The following GRM1 variants were observed in gnomAD, a reference collection of about 807,000 sequenced individuals.
GRM1 encodes the protein metabotropic glutamate receptor 1.
Under a neutral mutation model 90.9 loss-of-function variants are expected in GRM1, and 33 were observed. The observed-to-expected ratio is 0.36, with a 90% CI of 0.28 to 0.49. GRM1 has a LOEUF of 0.49. Ranked by LOEUF, GRM1 falls within the 20% of genes least tolerant of loss-of-function variation. The pLI is 0.99. For synonymous variants in GRM1, 700 were observed against 613.2 expected, an observed-to-expected ratio of 1.14 and a Z score of -2.09; for missense variants, 1,190 against 1,534.3, an observed-to-expected ratio of 0.78 and a Z score of 3.75.
intron 2 of GRM1, among the ~76,000 whole-genome samples, chr6:146,252,437 A>G (rs956490890): frequency 1.3e-5 from 2 of 152,076 alleles, no homozygotes; most frequent in Admixed American, 1.3e-4. Flanking sequence ...CAGGAGTTCA[A>G]GACCAGCCTG....
intron 1 of GRM1, among the ~76,000 whole-genome samples, chr6:146,090,792 G>A (rs1776690891): frequency 6.6e-6 from 1 of 152,038 alleles, no homozygotes; most frequent in Non-Finnish European, 1.5e-5. Context: ...AGAGCTTCTA[G>A]CCTCCTTCCC....
At chr6:146,240,895 T>C (rs1452155376) in intron 2 of GRM1, among the ~76,000 whole-genome samples, 1 of 152,116 alleles carries the variant, frequency 6.6e-6, no homozygotes, top group African/African-American at 2.4e-5. Flanking sequence ...TAAATGTTCC[T>C]AGGCAATGAA....
At chr6:146,105,893 G>A (rs1407820258) in intron 1 of GRM1, among the ~76,000 whole-genome samples, 1 of 152,118 alleles carries the variant, frequency 6.6e-6, no homozygotes, top group Non-Finnish European at 1.5e-5. Context: ...AGGTCACACA[G>A]TTAGTGGAAA....
At chr6:146,369,120 A>C (rs1173727744) in intron 5 of GRM1, among the ~76,000 whole-genome samples, 1 of 151,870 alleles carries the variant, frequency 6.6e-6, no homozygotes, top group Non-Finnish European at 1.5e-5. Flanking sequence ...TAGATTTCCC[A>C]ATCTGTTGGC....
At chr6:146,291,683 T>C (rs2114886741) in intron 2 of GRM1, among the ~76,000 whole-genome samples, 1 of 152,072 alleles carries the variant, frequency 6.6e-6, no homozygotes, top group South Asian at 2.1e-4. Context: ...TTGGAAAACT[T>C]AATATTCAAT....
intron 1 of GRM1, among the ~76,000 whole-genome samples, chr6:146,031,943 A>G (rs1230732759): frequency 6.6e-6 from 1 of 152,230 alleles, no homozygotes; most frequent in East Asian, 1.9e-4. Flanking sequence ...TATTGGAAGT[A>G]TAAATTCTTT....
At chr6:146,218,610 T>A (rs557367849) in intron 2 of GRM1, among the ~76,000 whole-genome samples, 1 of 152,232 alleles carries the variant, frequency 6.6e-6, no homozygotes, top group Non-Finnish European at 1.5e-5. Flanking sequence ...TTGAATAAAA[T>A]GTATGAAAAA....
intron 7 of GRM1, among the ~76,000 whole-genome samples, chr6:146,402,992 C>T (rs1777212198): frequency 6.6e-6 from 1 of 151,978 alleles, no homozygotes; most frequent in South Asian, 2.1e-4. Flanking sequence ...CTGAAGTTAC[C>T]TTTGACACCT....
chr6:146,103,109 G>A (rs912410743), intron 1 of GRM1, among the ~76,000 whole-genome samples: 3 of 152,162 alleles, frequency 2.0e-5, no homozygotes, highest in African/African-American at 4.8e-5. Flanking sequence ...GAACAAAACC[G>A]AAGTTGTTAA....
chr6:146,326,057 G>A (rs563945728), intron 3 of GRM1, among the ~76,000 whole-genome samples: 89 of 152,262 alleles, frequency 5.8e-4, no homozygotes, highest in African/African-American at 2.1e-3. Context: ...AAGTGAATAA[G>A]TCAGAGAAGT....
At chr6:146,162,207 AT>A (rs1388660669) in intron 2 of GRM1, among the ~76,000 whole-genome samples, 1 of 152,194 alleles carries the variant, frequency 6.6e-6, no homozygotes, top group Non-Finnish European at 1.5e-5. Flanking sequence ...ACACGGTATG[AT>A]TCTGGCTACT....
At chr6:146,214,558 A>T (rs896861231) in intron 2 of GRM1, among the ~76,000 whole-genome samples, 4 of 152,184 alleles carry the variant, frequency 2.6e-5, no homozygotes, top group Non-Finnish European at 5.9e-5. Context: ...CAAAAAGGAT[A>T]TGATAAGTAT....
intron 2 of GRM1, among the ~76,000 whole-genome samples, chr6:146,215,574 C>A (rs987855820): frequency 1.3e-5 from 2 of 152,096 alleles, no homozygotes; most frequent in Non-Finnish European, 2.9e-5. Flanking sequence ...TTCCTATAAG[C>A]AGTGGCCTTT....
intron 2 of GRM1, among the ~76,000 whole-genome samples, chr6:146,178,052 G>A (rs1049388548): frequency 1.3e-5 from 2 of 152,048 alleles, no homozygotes; most frequent in Non-Finnish European, 2.9e-5. Context: ...AATCAATATT[G>A]ATACTGCATT....
intron 5 of GRM1, among the ~76,000 whole-genome samples, chr6:146,375,585 GT>G (rs1318297924): frequency 2.6e-5 from 4 of 151,770 alleles, no homozygotes; most frequent in African/African-American, 9.7e-5. Flanking sequence ...CCAGTATTTG[GT>G]TCATATATGT....
At chr6:146,257,180 C>T (rs192089626) in intron 2 of GRM1, among the ~76,000 whole-genome samples, 17 of 152,136 alleles carry the variant, frequency 1.1e-4, no homozygotes, top group Admixed American at 2.0e-4. Flanking sequence ...AATTCTCTTA[C>T]GGCATGTAGA....
intron 1 of GRM1, among the ~76,000 whole-genome samples, chr6:146,140,294 A>G (rs183503913): frequency 1.3e-5 from 2 of 151,212 alleles, no homozygotes; most frequent in African/African-American, 4.9e-5. Context: ...TTTTGAGACA[A>G]AGTCTCACAC....
chr6:146,130,569 A>C (rs1193678630), intron 1 of GRM1, among the ~76,000 whole-genome samples: 1 of 152,102 alleles, frequency 6.6e-6, no homozygotes, highest in Non-Finnish European at 1.5e-5. Context: ...CTTTTCTTTC[A>C]CCTCAGTGAA....
In GRM1 at chr6:146,062,412, C is replaced by T. The variant is rs547742444; in HGVS notation, c.700+32195C>T. Among the ~76,000 whole-genome samples, 5 of 151,934 alleles carry T rather than the reference C, an allele frequency of 3.3e-5. No individual in the cohort carries two copies. In the East Asian group the frequency reaches 9.7e-4, roughly 29 times the overall value. ...AATGTAGATGATGGGTTGATGGGTG[C>T]AGCAAACCACCATGGCACATGTATA... On this transcript the variant is annotated intron_variant, in intron 1 of 7. Transcript: ENST00000282753.
Sources: gnomAD v4.1 joint callset for allele counts (sites outside exome capture counted in the v4.1 genomes callset) on GRCh38, gnomAD v4.1.1 for gene constraint, MANE v1.5 for transcripts, NCBI Gene and HGNC (gene_info 2026-07-23, HGNC 2026-07-21) for gene names.